KDM2B: variants seen among roughly 807,000 people sequenced by gnomAD.
The protein encoded by KDM2B is lysine-specific demethylase 2B.
KDM2B carries 26 observed loss-of-function variants against 150.0 expected under a neutral mutation model. The observed-to-expected ratio is 0.17, with a 90% CI of 0.13 to 0.24. The LOEUF (loss-of-function observed/expected upper bound fraction) is 0.24, where lower values mean the gene tolerates loss of function less well. Among genes scored for constraint, KDM2B ranks in the 10% least tolerant of loss-of-function variants. The pLI is 1.00. For synonymous variants in KDM2B, 734 were observed against 729.5 expected (o/e 1.01, Z -0.10); for missense variants, 1,265 against 1,816.9 (o/e 0.70, Z 5.52).
chr12:121,549,330 C>T lies in KDM2B; in HGVS notation c.576+130G>A, dbSNP rs930634653. The T allele has an allele frequency of 2.5e-5, 20 of 798,394 alleles. No individual in the cohort carries two copies. The Admixed American group carries it at 4.4e-4, about 18-fold the overall frequency. The allele number at this position is 798,394 out of a possible 1,614,324, so 49.5% of individuals were successfully genotyped here. ...ACCACGTTACCAACCTTAGTCACCC[C>T]TATGCCTGCCAAGCCCAGCCAGCCA... On this transcript the variant is annotated intron_variant, in intron 5 of 22. Transcript: ENST00000377071. This position sits in a 1 kb window ranked among gnomAD's most constrained non-coding sequence, Gnocchi z 4.4.
At chr12:121,563,622 C>T (rs1434494066) in intron 4 of KDM2B, among the ~76,000 whole-genome samples, 3 of 140,432 alleles carry the variant, frequency 2.1e-5, no homozygotes, top group African/African-American at 8.0e-5. Context: ...AAAGTCAAAA[C>T]AAAACAAAAC....
intron 22 of KDM2B, among the ~76,000 whole-genome samples, chr12:121,437,904 G>GA (rs1874274736): frequency 6.8e-6 from 1 of 146,050 alleles, no homozygotes; most frequent in South Asian, 2.2e-4. Flanking sequence ...TTTTTTTTAA[G>GA]AAAATCTAGA....
In KDM2B at chr12:121,453,753, C is replaced by T. The variant is rs1348991993; in HGVS notation, c.1735-409G>A. On this transcript the variant is annotated intron_variant, in intron 12 of 22. Transcript: ENST00000377071. The surrounding 1 kb of genome is among the most constrained non-coding windows in gnomAD (Gnocchi z 6.4). ...CCTAGAGCCCGCAGAGCCAGCCCGG[C>T]CCGCCAGCCCACACCTTGACTTCAG... is the stretch of plus-strand genomic sequence containing the variant. Among the ~76,000 whole-genome samples the T allele has an allele frequency of 1.3e-5, 2 of 152,098 alleles. No individual in the cohort carries two copies. The highest frequency in any genetic ancestry group is 2.9e-5 in the Non-Finnish European group (2 of 68,012).
At position 121,513,633 on chromosome 12, in the gene KDM2B, G is replaced by C. The variant is rs1302244047; in HGVS notation, c.1048-231C>G. ...TGAGCGCCTCATCTCAAAGGTCCCT[G>C]AGCTGCACGCCCCAGAGGTTGGATG... On this transcript the variant is annotated intron_variant, in intron 9 of 22. Coordinates refer to ENST00000377071, the MANE Select transcript of KDM2B (RefSeq NM_032590.5). The surrounding 1 kb of genome is among the most constrained non-coding windows in gnomAD (Gnocchi z 5.0). 2.0e-5 allele frequency among the ~76,000 whole-genome samples: 3 copies of C among 152,146 alleles called. No individual in the cohort carries two copies. Among genetic ancestry groups the C allele is most frequent in the East Asian group, 1.9e-4 (1 of 5,188 alleles).
intron 12 of KDM2B, among the ~76,000 whole-genome samples, chr12:121,481,158 A>G (rs1465201146): frequency 3.3e-5 from 5 of 151,856 alleles, no homozygotes; most frequent in Non-Finnish European, 2.9e-5. Flanking sequence ...CTCCAATTCC[A>G]GACCTCAAAT....
chr12:121,463,712 TG>T (rs1196504681), intron 12 of KDM2B, among the ~76,000 whole-genome samples: 1 of 152,148 alleles, frequency 6.6e-6, no homozygotes. Flanking sequence ...TCCGAGTAGC[TG>T]GGACTACAGG....
intron 12 of KDM2B, among the ~76,000 whole-genome samples, chr12:121,470,952 G>A (rs962002208): frequency 6.6e-6 from 1 of 152,160 alleles, no homozygotes; most frequent in Non-Finnish European, 1.5e-5. Flanking sequence ...CCAAACACTA[G>A]GAAGGCCACT....
In KDM2B at chr12:121,521,200, CA is replaced by C. The variant is rs1426625172; in HGVS notation, c.932-101del. On this transcript the variant is annotated intron_variant, in intron 8 of 22. Coordinates refer to ENST00000377071, the MANE Select transcript of KDM2B (RefSeq NM_032590.5). This position sits in a 1 kb window ranked among gnomAD's most constrained non-coding sequence, Gnocchi z 4.9. ...GGGAGAGCGAGCGTGCAGGAGGGTG[CA>C]GGGAGTGGAGAAGAGCAGCCAGGGC... is the stretch of plus-strand genomic sequence containing the variant. The C allele has an allele frequency of 1.3e-6, 1 of 787,516 alleles. No individual in the cohort carries two copies. The highest frequency in any genetic ancestry group is 2.7e-5 in the East Asian group (1 of 36,652). 48.8% of individuals were successfully genotyped at this position (787,516 alleles called of 1,614,324 possible). A position where few individuals can be genotyped will look rare whatever the true frequency, so the allele number is the denominator to read the frequency against.
chr12:121,569,842 C>CTTTT (rs1220892406), intron 4 of KDM2B, among the ~76,000 whole-genome samples: 2 of 151,100 alleles, frequency 1.3e-5, no homozygotes, highest in African/African-American at 4.9e-5. Context: ...TTCTTTCTTT[C>CTTTT]TTTCTTTTTT....
intron 11 of KDM2B, among the ~76,000 whole-genome samples, chr12:121,497,409 A>C (rs1884087206): frequency 6.6e-6 from 1 of 152,076 alleles, no homozygotes; most frequent in East Asian, 1.9e-4. Flanking sequence ...GGTTCAAGCG[A>C]GTCTCCTGCC....
intron 9 of KDM2B, among the ~76,000 whole-genome samples, chr12:121,517,355 C>T (rs1459304336): frequency 1.3e-5 from 2 of 152,154 alleles, no homozygotes; most frequent in Non-Finnish European, 2.9e-5. Flanking sequence ...CACCTATCAT[C>T]TCGCCAGAAA....
intron 8 of KDM2B, among the ~76,000 whole-genome samples, chr12:121,527,942 A>C (rs1256394367): frequency 1.3e-5 from 2 of 152,232 alleles, no homozygotes; most frequent in Non-Finnish European, 2.9e-5. Flanking sequence ...GAGGAAAAAG[A>C]CATCACCTGG....
At chr12:121,579,356 G>A (rs1891759083) in intron 1 of KDM2B, among the ~76,000 whole-genome samples, 2 of 152,352 alleles carry the variant, frequency 1.3e-5, no homozygotes, top group Admixed American at 6.5e-5. Context: ...CGGCTCGGCG[G>A]TAACAGCAGC....
intron 12 of KDM2B, among the ~76,000 whole-genome samples, chr12:121,463,291 G>A (rs1278877642): frequency 6.6e-6 from 1 of 151,868 alleles, no homozygotes; most frequent in Non-Finnish European, 1.5e-5. Context: ...ACTCCAGCCT[G>A]GACAACAGAG....
chr12:121,443,697 T>A lies in KDM2B; in HGVS notation c.2548A>T (p.Thr850Ser). Residue 850 changes from threonine to serine, a missense_variant, in exon 17 of 23, where the codon ACT becomes TCT. Thr to Ser is a moderately conservative substitution (Grantham distance 58). Around this residue, in one of 11 missense-constraint regions of KDM2B, gnomAD observed 418 missense variants for 402.4 expected, o/e 1.04. Coordinates refer to ENST00000377071, the MANE Select transcript of KDM2B (RefSeq NM_032590.5). ...GGGAGCACCTGCTGCTGGAAGTAAG[T>A]GAGACTGGATCTCCACCAGGGGCTG... ...SLSPWWRSSL[T>S]YFQQQLKPGK... is the part of the protein sequence containing the mutation. 6.2e-7 allele frequency: 1 copy of A among 1,610,248 alleles called. No homozygotes were observed. Among genetic ancestry groups the A allele is most frequent in the Non-Finnish European group, 8.5e-7 (1 of 1,178,624 alleles).
At position 121,521,978 on chromosome 12, in the gene KDM2B, G is replaced by A. The variant is rs1886723636; in HGVS notation, c.932-878C>T. On this transcript the variant is annotated intron_variant, in intron 8 of 22. Transcript: ENST00000377071. This position sits in a 1 kb window ranked among gnomAD's most constrained non-coding sequence, Gnocchi z 4.9. ...TAAATAAATAGCAGGGCATGGTGGT[G>A]CACACCTGCGGTCCCAGCTACTCAG... Among the ~76,000 whole-genome samples the A allele has an allele frequency of 1.3e-5, 2 of 152,052 alleles. No homozygotes were observed. Among genetic ancestry groups the A allele is most frequent in the Non-Finnish European group, 1.5e-5 (1 of 68,020 alleles).
intron 12 of KDM2B, among the ~76,000 whole-genome samples, chr12:121,458,157 C>T (rs1384827065): frequency 6.6e-6 from 1 of 151,612 alleles, no homozygotes; most frequent in Non-Finnish European, 1.5e-5. Context: ...CCAAGATAGG[C>T]AGATCGCTTG....
At chr12:121,568,320 C>T (rs917541649) in intron 4 of KDM2B, among the ~76,000 whole-genome samples, 2 of 151,646 alleles carry the variant, frequency 1.3e-5, no homozygotes, top group African/African-American at 2.4e-5. Context: ...AATATAAAAG[C>T]GTGGTGGCGG....
At chr12:121,454,890 C>T (rs1375796999) in intron 12 of KDM2B, among the ~76,000 whole-genome samples, 7 of 152,114 alleles carry the variant, frequency 4.6e-5, no homozygotes, top group African/African-American at 1.4e-4. Context: ...ATCACAGGGA[C>T]CCCCTCTCAC....
Sources: allele counts gnomAD v4.1 joint callset (sites outside exome capture counted in the v4.1 genomes callset), GRCh38; gene constraint gnomAD v4.1.1; regional missense constraint gnomAD v4.1.1; non-coding constraint Gnocchi (gnomAD v3.1); transcripts MANE v1.5; gene names NCBI Gene and HGNC (gene_info 2026-07-23, HGNC 2026-07-21).